Variants in ARHGAP4 observed in about 807,000 individuals in gnomAD.
ARHGAP4 encodes the protein Rho GTPase activating protein 4, also known as rho GTPase-activating protein 4.
A neutral mutation model predicts 67.6 loss-of-function variants in ARHGAP4; 25 were observed. The ratio of observed to expected loss-of-function variants is 0.37; its 90% CI spans 0.27 to 0.52. The LOEUF (loss-of-function observed/expected upper bound fraction) is 0.52, where lower values mean the gene tolerates loss of function less well. ARHGAP4 is among the 20% of genes least tolerant of loss of function. The pLI is 0.92. For synonymous variants in ARHGAP4, 448 were observed against 373.7 expected (o/e 1.20, Z -2.29); for missense variants, 804 against 854.6 (o/e 0.94, Z 0.74).
At position 153,918,997 on chromosome X, in the gene ARHGAP4, G is replaced by A. The variant is rs138950601; in HGVS notation, c.867C>T (p.Ala289=). The part of the protein sequence containing the change: ...ALGQVLRSYT[A]AESRTQASQV... The stretch of plus-strand genomic sequence containing the variant: ...GGGAGGCTTGGGTGCGGCTCTCAGC[G>A]GCCGTGTAGCTCCGGAGCACCTGCC... Residue 289 remains alanine, a synonymous_variant, in exon 7 of 22, where the codon GCC becomes GCT. Coordinates refer to ENST00000350060, the MANE Select transcript of ARHGAP4 (RefSeq NM_001666.5). The A allele has an allele frequency of 1.7e-5, 21 of 1,210,203 alleles. No individual in the cohort carries two copies. Among genetic ancestry groups the A allele is most frequent in the Middle Eastern group, 2.3e-4 (1 of 4,354 alleles).
At chrX:153,924,474 A>T (rs1557105841) in intron 1 of ARHGAP4, among the ~76,000 whole-genome samples, 1 of 110,743 alleles carries the variant, frequency 9.0e-6, no homozygotes, top group African/African-American at 3.3e-5. Context: ...CCCTCTTCCG[A>T]CCCCTTCTTG....
At chrX:153,911,250 TGC>T (rs2065018797) in intron 12 of ARHGAP4, 61 bp from the exon 13 acceptor site, 5 of 776,007 alleles carry the variant, frequency 6.4e-6, no homozygotes, top group Non-Finnish European at 8.8e-6. Context: ...GTCATTCAAT[TGC>T]TTTTTTTTTT....
At chrX:153,925,792 T>G (rs1014833587) in intron 1 of ARHGAP4, among the ~76,000 whole-genome samples, 1 of 112,862 alleles carries the variant, frequency 8.9e-6, no homozygotes, top group African/African-American at 3.2e-5. Flanking sequence ...TTGACTTCAC[T>G]GTAGCTAAAA....
Position 153,921,401 on chromosome X carries a change from ACT to A in ARHGAP4, c.397_398del (p.Ile135CysfsTer21). On this transcript the variant is annotated frameshift_variant, in exon 3 of 22. Transcript: ENST00000350060. LOFTEE classifies it high-confidence loss of function. ...VLAGPLAQRLSHIAEDVGRLV... is the reference protein window; with the variant it reads ...VLAGPLAQRLXHIAEDVGRLV... ...GGCGCCCCACGTCCTCTGCAATGTG[ACT>A]CAGGCGCTGGGCCAGGGGCCCGGCC... 1 of 1,210,018 alleles carries A rather than the reference ACT, an allele frequency of 8.3e-7. No individual in the cohort carries two copies. Among genetic ancestry groups the A allele is most frequent in the Non-Finnish European group, 1.1e-6 (1 of 895,141 alleles).
rs1557103533 is a variant in ARHGAP4, at chrX:153,912,704, A to G, written c.1538T>C (p.Ile513Thr). The G allele has an allele frequency of 8.3e-7, 1 of 1,205,694 alleles. No individual in the cohort carries two copies. The highest frequency in any genetic ancestry group is 1.7e-5 in the African/African-American group (1 of 57,190). Reference protein sequence around the residue: ...RLFGGDMEKFIQSSGQPVPLV... With the variant: ...RLFGGDMEKFTQSSGQPVPLV... ...CATGTGGGGCAAAGCTAGTACCTGG[A>G]TAAACTTCTCCATGTCTCCCCCAAA... Residue 513 changes from isoleucine (I) to threonine (T), a missense_variant, in exon 12 of 22, where the codon ATC (isoleucine) becomes ACC (threonine). Ile to Thr is a moderately conservative substitution (Grantham distance 89). Coordinates refer to ENST00000350060, the MANE Select transcript of ARHGAP4 (RefSeq NM_001666.5).
chrX:153,914,379 G>A (rs782360653), intron 7 of ARHGAP4: 5 of 119,319 alleles, frequency 4.2e-5, no homozygotes, highest in Non-Finnish European at 7.0e-5. Flanking sequence ...TATATGAATC[G>A]TACCTTAATA....
In ARHGAP4 at chrX:153,909,426, C is replaced by G. The variant is rs782485822; in HGVS notation, c.2507+17G>C. ...ACAGCACACGTGTGGCCCCCTGAGCCCCGTCTTCTTGCTCACCGGTGGACC... is the reference window on the plus strand; with the variant it reads ...ACAGCACACGTGTGGCCCCCTGAGCGCCGTCTTCTTGCTCACCGGTGGACC... On this transcript the variant is annotated intron_variant, in intron 20 of 21. Coordinates refer to ENST00000350060, the MANE Select transcript of ARHGAP4 (RefSeq NM_001666.5). 1 of 1,180,433 alleles carries G rather than the reference C, an allele frequency of 8.5e-7. No homozygotes were observed. Among genetic ancestry groups the G allele is most frequent in the South Asian group, 1.9e-5 (1 of 52,185 alleles).
Position 153,910,736 on chromosome X carries a change from G to A in ARHGAP4, c.1780C>T (p.Pro594Ser), listed in dbSNP as rs1557102969. ...AGCAGCTCGCCGAACAGGTCTGGGG[G>A]GAAGAGTGGGGGCTCCAGGCTCCGG... ...YFRSLEPPLF[P>S]PDLFGELLAS... is the part of the protein sequence containing the mutation. The change falls in exon 15 of 22, where the codon CCC becomes TCC. Residue 594 changes from proline to serine, a missense_variant. By Grantham distance (74) the Pro-to-Ser change is moderately conservative. This residue lies in a region of ARHGAP4 where 400 missense variants were observed against 348.7 expected (regional missense o/e 1.15). Coordinates refer to ENST00000350060, the MANE Select transcript of ARHGAP4 (RefSeq NM_001666.5). 2.5e-6 allele frequency: 3 copies of A among 1,191,886 alleles called. No individual in the cohort carries two copies. The highest frequency in any genetic ancestry group is 1.8e-5 in the South Asian group (1 of 54,068).
At chrX:153,922,539 C>T (rs899852760) in intron 1 of ARHGAP4, 2 of 488,472 alleles carry the variant, frequency 4.1e-6, no homozygotes, top group Non-Finnish European at 5.0e-6. Context: ...CTTTTGACAC[C>T]CTATCACTGG....
In ARHGAP4 at chrX:153,921,138, G is replaced by A. The variant is rs782351267; in HGVS notation, c.457C>T (p.Leu153=). Residue 153 remains leucine, a synonymous_variant, in exon 4 of 22, where the codon CTG becomes TTG. Transcript: ENST00000350060. The part of the protein sequence containing the change: ...VKKSRDLEQQ[L]QDELLEVVSE... ...ACCACCTCCAGGAGCTCATCCTGCA[G>A]CTGCTGCTCCAGATCCCTGCTCTAG... 4.2e-6 allele frequency: 5 copies of A among 1,203,585 alleles called. No individual in the cohort carries two copies. The South Asian group carries it at 7.2e-5, about 17-fold the overall frequency.
At chrX:153,924,616 T>C (rs1253767274) in intron 1 of ARHGAP4, among the ~76,000 whole-genome samples, 3 of 111,696 alleles carry the variant, frequency 2.7e-5, no homozygotes, top group African/African-American at 6.5e-5. Flanking sequence ...GGAGTCCTCA[T>C]TGAATCATTG....
At chrX:153,911,033 C>A in intron 13 of ARHGAP4, 34 bp from the exon 14 acceptor site, 1 of 1,164,415 alleles carries the variant, frequency 8.6e-7, no homozygotes, top group South Asian at 1.9e-5. Flanking sequence ...GGGCACTGAG[C>A]ATCTTCCCCA....
Position 153,920,684 on chromosome X carries a change from G to C in ARHGAP4, c.623C>G (p.Thr208Ser). Reference protein sequence around the residue: ...RSVPTTTAGATEAGPLRKSSL... With the variant: ...RSVPTTTAGASEAGPLRKSSL... ...GCTCTTGCGGAGGGGCCCTGCCTCA[G>C]TGGCACCAGCGGTGGTGGTGGGGAC... The change falls in exon 5 of 22, where the codon ACT (threonine) becomes AGT (serine). Residue 208 changes from threonine (T) to serine (S), a missense_variant. Thr to Ser is a moderately conservative substitution (Grantham distance 58). Around this residue, in one of 2 missense-constraint regions of ARHGAP4, gnomAD observed 404 missense variants for 505.9 expected, o/e 0.80. Transcript: ENST00000350060. 1 of 1,211,746 alleles carries C rather than the reference G, an allele frequency of 8.3e-7. No individual in the cohort carries two copies. Among genetic ancestry groups the C allele is most frequent in the Non-Finnish European group, 1.1e-6 (1 of 895,505 alleles).
At chrX:153,921,073 G>T in intron 4 of ARHGAP4, 24 bp downstream of exon 4, 1 of 1,194,517 alleles carries the variant, frequency 8.4e-7, no homozygotes, top group Non-Finnish European at 1.1e-6. Flanking sequence ...ATTGGGGCAG[G>T]CCCCTCCCCA....
rs140855390 is a variant in ARHGAP4, at chrX:153,919,362, G to A, written c.682-79C>T. 42,569 of 1,198,068 alleles carry A rather than the reference G, an allele frequency of 0.036. 1,357 individuals are homozygous for A. Among genetic ancestry groups the A allele is most frequent in the African/African-American group, 0.22 (12,526 of 56,885 alleles). ...TCTAGCCTTTCATGTAATGCCCATCGCCTCCCCTCCCACTGTGGACAACTA... is the reference window on the plus strand; with the variant it reads ...TCTAGCCTTTCATGTAATGCCCATCACCTCCCCTCCCACTGTGGACAACTA... On this transcript the variant is annotated intron_variant, in intron 5 of 21. Transcript: ENST00000350060.
intron 1 of ARHGAP4, among the ~76,000 whole-genome samples, chrX:153,924,174 C>T (rs2065113021): frequency 8.9e-6 from 1 of 111,817 alleles, no homozygotes; most frequent in Admixed American, 9.5e-5. Context: ...GCCTGCCCTG[C>T]CCTGCTTCCC....
intron 19 of ARHGAP4, 54 bp downstream of exon 19, chrX:153,909,687 T>C: frequency 9.2e-7 from 1 of 1,081,166 alleles, no homozygotes; most frequent in South Asian, 2.2e-5. Flanking sequence ...GGGGGAGGGG[T>C]GGATGAAGGG....
At chrX:153,922,028 G>A (rs993999376) in intron 1 of ARHGAP4, 32 of 933,263 alleles carry the variant, frequency 3.4e-5, no homozygotes, top group African/African-American at 1.4e-4. Context: ...CGACCTCTGC[G>A]CTGAGGCCAA....
At chrX:153,915,755 C>T (rs1557104195) in intron 7 of ARHGAP4, among the ~76,000 whole-genome samples, 1 of 112,074 alleles carries the variant, frequency 8.9e-6, no homozygotes, top group African/African-American at 3.2e-5. Context: ...CCACTGTACT[C>T]CAGCCTGGAC....
Sources: allele counts gnomAD v4.1 joint callset (sites outside exome capture counted in the v4.1 genomes callset), GRCh38; gene constraint gnomAD v4.1.1; regional missense constraint gnomAD v4.1.1; transcripts MANE v1.5; gene names NCBI Gene and HGNC (gene_info 2026-07-23, HGNC 2026-07-21).